OSBPL10: variants seen among roughly 807,000 people sequenced by gnomAD.
OSBPL10 encodes oxysterol-binding protein-related protein 10.
Under a neutral mutation model 81.7 loss-of-function variants are expected in OSBPL10, and 49 were observed. The observed-to-expected ratio is 0.60, with a 90% CI of 0.48 to 0.76. OSBPL10 has a LOEUF of 0.76. Among genes scored for constraint, OSBPL10 ranks in the 30% least tolerant of loss-of-function variants. The pLI, the probability that OSBPL10 is intolerant of heterozygous loss-of-function variation, is 0.00. For synonymous variants in OSBPL10, 419 were observed against 383.6 expected (o/e 1.09, Z -1.08); for missense variants, 923 against 987.8 (o/e 0.93, Z 0.88).
At chr3:32,031,692 G>A (rs1250850529) in intron 2 of OSBPL10, among the ~76,000 whole-genome samples, 2 of 152,092 alleles carry the variant, frequency 1.3e-5, no homozygotes, top group Non-Finnish European at 2.9e-5. Flanking sequence ...GACCTCATGT[G>A]ATCCACCCAC....
chr3:31,812,790 GAA>G lies in OSBPL10; in HGVS notation c.729+17248_729+17249del, dbSNP rs1195524045. Among the ~76,000 whole-genome samples, 332 of 46,126 alleles carry G rather than the reference GAA, an allele frequency of 7.2e-3. 2 individuals carry two copies. Among genetic ancestry groups the G allele is most frequent in the Middle Eastern group, 0.028 (2 of 72 alleles). 30.3% of individuals were successfully genotyped at this position (46,126 alleles called of 152,430 possible). On this transcript the variant is annotated intron_variant, in intron 4 of 11. Coordinates refer to ENST00000396556, the MANE Select transcript of OSBPL10 (RefSeq NM_017784.5). ...AGAAAGAAAGAAAGAAAGAAAGAAA[GAA>G]AGAAAGAAAGAAAGAAAGAAAGAAA...
intron 3 of OSBPL10, among the ~76,000 whole-genome samples, chr3:31,875,197 T>G (rs1701422141): frequency 6.6e-6 from 1 of 151,754 alleles, no homozygotes; most frequent in African/African-American, 2.4e-5. Flanking sequence ...ATATACTAAA[T>G]TTACTAGAAA....
intron 4 of OSBPL10, among the ~76,000 whole-genome samples, chr3:31,826,937 T>G (rs993525609): frequency 6.6e-6 from 1 of 152,194 alleles, no homozygotes; most frequent in South Asian, 2.1e-4. Context: ...ATTACCAGTG[T>G]TGGCACTTAT....
At chr3:31,721,943 A>G (rs1210201065) in intron 6 of OSBPL10, among the ~76,000 whole-genome samples, 1 of 152,184 alleles carries the variant, frequency 6.6e-6, no homozygotes, top group Admixed American at 6.6e-5. Context: ...GCAATCATTG[A>G]AAGAGTTTGG....
intron 1 of OSBPL10, among the ~76,000 whole-genome samples, chr3:31,961,318 G>A (rs968007150): frequency 2.3e-4 from 35 of 152,126 alleles, no homozygotes; most frequent in African/African-American, 8.0e-4. Context: ...CAGTGCCCAG[G>A]AAGCCAGGGA....
In OSBPL10 at chr3:32,002,517, G is replaced by A. The variant is rs76813941; in HGVS notation, n.298+43974C>T. Among the ~76,000 whole-genome samples the A allele has an allele frequency of 2.6e-3, 396 of 152,300 alleles. 5 individuals carry two copies. The highest frequency in any genetic ancestry group is 9.4e-3 in the African/African-American group (389 of 41,572). ...GACCCAGGAACCTGTTTGCTGGGAA[G>A]CAATAAGATTATTATCCATAGCTGT... is the stretch of plus-strand genomic sequence containing the variant. On this transcript the variant is annotated intron_variant and non_coding_transcript_variant, in intron 2 of 3. Transcript: ENST00000479173.
At chr3:31,829,428 T>A (rs924914360) in intron 4 of OSBPL10, among the ~76,000 whole-genome samples, 1 of 152,188 alleles carries the variant, frequency 6.6e-6, no homozygotes, top group East Asian at 1.9e-4. Flanking sequence ...ATTAAAGAGT[T>A]TTCATTGTCA....
intron 1 of OSBPL10, among the ~76,000 whole-genome samples, chr3:31,965,920 T>G (rs866940206): frequency 1.3e-3 from 144 of 115,004 alleles, no homozygotes; most frequent in Middle Eastern, 7.9e-3. Flanking sequence ...ATAGATAATA[T>G]ATAATATATA....
At chr3:31,955,391 C>T (rs1255315961) in intron 1 of OSBPL10, among the ~76,000 whole-genome samples, 1 of 152,206 alleles carries the variant, frequency 6.6e-6, no homozygotes, top group African/African-American at 2.4e-5. Context: ...GCTCTACCAA[C>T]CTCAATAGAA....
chr3:31,842,916 T>G (rs1418758164), intron 3 of OSBPL10, among the ~76,000 whole-genome samples: 1 of 152,168 alleles, frequency 6.6e-6, no homozygotes, highest in African/African-American at 2.4e-5. Context: ...ACGCTATCAT[T>G]TGGGGATATT....
At chr3:31,844,782 G>C (rs574482046) in intron 3 of OSBPL10, among the ~76,000 whole-genome samples, 1 of 152,266 alleles carries the variant, frequency 6.6e-6, no homozygotes, top group African/African-American at 2.4e-5. Flanking sequence ...CTTTAAAAAT[G>C]GCTAATTTGG....
intron 2 of OSBPL10, among the ~76,000 whole-genome samples, chr3:32,018,687 C>T (rs1038892015): frequency 4.6e-5 from 7 of 152,042 alleles, no homozygotes; most frequent in African/African-American, 1.7e-4. Context: ...GCCTGGGCAG[C>T]AACACAGCAA....
chr3:31,748,805 A>C (rs1277976153), intron 4 of OSBPL10, among the ~76,000 whole-genome samples: 1 of 152,154 alleles, frequency 6.6e-6, no homozygotes, highest in Non-Finnish European at 1.5e-5. Flanking sequence ...TAAGCTTATC[A>C]TAACAACAAA....
intron 1 of OSBPL10, among the ~76,000 whole-genome samples, chr3:31,940,413 T>G (rs542364454): frequency 6.6e-6 from 1 of 152,046 alleles, no homozygotes; most frequent in Non-Finnish European, 1.5e-5. Flanking sequence ...AGAGGTGGGG[T>G]GGGTGACTGA....
At position 32,034,480 on chromosome 3, in the gene OSBPL10, A is replaced by C. The variant is rs551630795; in HGVS notation, n.298+12011T>G. On this transcript the variant is annotated intron_variant and non_coding_transcript_variant, in intron 2 of 3. Coordinates refer to the OSBPL10 transcript ENST00000479173. Reference sequence around the variant, plus strand: ...AAAAGATTTTCTACCAAATGTAAATACTCTCCCCTCTAAAAGCTCTGAGAC... The same window carrying C: ...AAAAGATTTTCTACCAAATGTAAATCCTCTCCCCTCTAAAAGCTCTGAGAC... Among the ~76,000 whole-genome samples the C allele has an allele frequency of 6.6e-5, 10 of 151,680 alleles. No homozygotes were observed. In the South Asian group the frequency reaches 2.1e-3, roughly 32 times the overall value.
At chr3:32,035,324 G>A (rs752087887) in intron 2 of OSBPL10, among the ~76,000 whole-genome samples, 59 of 152,268 alleles carry the variant, frequency 3.9e-4, no homozygotes, top group Non-Finnish European at 6.0e-4. Context: ...CACTTTTGGA[G>A]GCAAAGGCAG....
chr3:32,007,347 C>T (rs895053652), intron 2 of OSBPL10, among the ~76,000 whole-genome samples: 2 of 152,134 alleles, frequency 1.3e-5, no homozygotes, highest in Non-Finnish European at 2.9e-5. Context: ...TAACAAACTA[C>T]CCCAAACTTG....
Position 31,988,936 on chromosome 3 carries a change from C to T in OSBPL10, n.298+57555G>A, listed in dbSNP as rs529743590. The T allele has an allele frequency of 1.4e-5, 15 of 1,074,776 alleles. No homozygotes were observed. The East Asian group carries it at 2.1e-4, about 15-fold the overall frequency. 66.6% of individuals were successfully genotyped at this position (1,074,776 alleles called of 1,614,324 possible). On this transcript the variant is annotated intron_variant and non_coding_transcript_variant, in intron 2 of 3. Transcript: ENST00000479173. ...AGTGCCTCCAAACCCCGACCCACAG[C>T]GACTGTGAGATAATCAGTGTTTGTT...
At chr3:31,994,499 TGGA>T (rs1307459617) in intron 2 of OSBPL10, among the ~76,000 whole-genome samples, 49 of 146,550 alleles carry the variant, frequency 3.3e-4, no homozygotes, top group East Asian at 1.2e-3. Flanking sequence ...AAAGGATGGA[TGGA>T]TGGATGGATG....
Sources: allele counts gnomAD v4.1 joint callset (sites outside exome capture counted in the v4.1 genomes callset), GRCh38; gene constraint gnomAD v4.1.1; transcripts MANE v1.5; gene names NCBI Gene and HGNC (gene_info 2026-07-23, HGNC 2026-07-21).